Variants in AKAP6 observed in about 807,000 individuals in gnomAD.
The protein encoded by AKAP6 is A-kinase anchor protein 6.
A neutral mutation model predicts 188.5 loss-of-function variants in AKAP6; 58 were observed. The observed-to-expected ratio is 0.31, with a 90% CI of 0.25 to 0.38. AKAP6 has a LOEUF of 0.38. Among genes scored for constraint, AKAP6 ranks in the 10% least tolerant of loss-of-function variants. AKAP6 has a pLI of 1.00. For missense variants in AKAP6, 2,710 were observed against 2,740.0 expected (o/e 0.99, Z 0.24); for synonymous variants, 989 against 998.6 (o/e 0.99, Z 0.18).
chr14:32,410,121 C>G (rs1018727909), intron 1 of AKAP6, among the ~76,000 whole-genome samples: 3 of 148,834 alleles, frequency 2.0e-5, no homozygotes, highest in Non-Finnish European at 4.5e-5. Context: ...TGGGAAAAAT[C>G]GACATTCTGT....
At chr14:32,594,389 C>T (rs1885606267) in intron 5 of AKAP6, among the ~76,000 whole-genome samples, 1 of 152,076 alleles carries the variant, frequency 6.6e-6, no homozygotes, top group African/African-American at 2.4e-5. Context: ...GTGGCATGTT[C>T]TATGTATTTT....
chr14:32,347,263 T>G lies in AKAP6; in HGVS notation c.-35+17855T>G, dbSNP rs953721019. Among the ~76,000 whole-genome samples the G allele has an allele frequency of 7.9e-5, 12 of 152,308 alleles. No individual in the cohort carries two copies. The South Asian group carries it at 2.5e-3, about 32-fold the overall frequency. On this transcript the variant is annotated intron_variant, in intron 1 of 13. Transcript: ENST00000280979. ...TGAGGCATCAGAGAAGTCTTGCCCT[T>G]TTTTCTTACACATGTTTCTAAATTA...
At chr14:32,769,037 A>ATTTTTGTTTTTTTTTTTT (rs2032807212) in intron 11 of AKAP6, among the ~76,000 whole-genome samples, 2 of 56,924 alleles carry the variant, frequency 3.5e-5, no homozygotes, top group Non-Finnish European at 5.9e-5. Flanking sequence ...TGCTCTTTTG[A>ATTTTTGTTTTTTTTTTTT]TTTTTTTTTT....
intron 2 of AKAP6, among the ~76,000 whole-genome samples, chr14:32,516,695 A>G (rs996134086): frequency 1.2e-4 from 19 of 152,348 alleles, no homozygotes; most frequent in African/African-American, 4.6e-4. Flanking sequence ...AGAAGATATT[A>G]GGTAAAAACC....
At chr14:32,408,714 GAGA>G (rs34185985) in intron 1 of AKAP6, among the ~76,000 whole-genome samples, 93,941 of 151,084 alleles carry the variant, frequency 0.62, 31,407 homozygotes, top group Non-Finnish European at 0.75. Flanking sequence ...CTCCAAGTAG[GAGA>G]TATGTGTAGG....
At chr14:32,374,266 AGTGCTAC>A (rs1888094647) in intron 1 of AKAP6, among the ~76,000 whole-genome samples, 1 of 152,226 alleles carries the variant, frequency 6.6e-6, no homozygotes, top group South Asian at 2.1e-4. Context: ...CAACACGGTA[AGTGCTAC>A]AATGCAATTG....
At chr14:32,376,669 T>C (rs1370599739) in intron 1 of AKAP6, among the ~76,000 whole-genome samples, 2 of 152,208 alleles carry the variant, frequency 1.3e-5, no homozygotes, top group Non-Finnish European at 2.9e-5. Flanking sequence ...CAGGCTTTCA[T>C]CTGAGAATAA....
In AKAP6 at chr14:32,683,677, A is replaced by G. The variant is rs150459930; in HGVS notation, c.2879+5218A>G. 4.5e-3 allele frequency among the ~76,000 whole-genome samples: 693 copies of G among 152,324 alleles called. 17 individuals carry two copies. Among genetic ancestry groups the G allele is most frequent in the Admixed American group, 0.041 (624 of 15,288 alleles). ...GAAGAAGTGTCATGGAGGATGGCCC[A>G]GGGTCAGAAATGACAAGGGTGTTTC... On this transcript the variant is annotated intron_variant, in intron 8 of 13. Coordinates refer to ENST00000280979, the MANE Select transcript of AKAP6 (RefSeq NM_004274.5).
intron 4 of AKAP6, among the ~76,000 whole-genome samples, chr14:32,548,915 T>G (rs1028920216): frequency 1.3e-5 from 2 of 151,968 alleles, no homozygotes; most frequent in Admixed American, 6.6e-5. Context: ...CTGTTTTTTG[T>G]TTTTTTTACA....
At chr14:32,745,076 T>C (rs528339196) in intron 11 of AKAP6, among the ~76,000 whole-genome samples, 2 of 152,296 alleles carry the variant, frequency 1.3e-5, no homozygotes, top group Admixed American at 1.3e-4. Flanking sequence ...AGGTCACATA[T>C]CTCTGTTTCT....
At chr14:32,793,321 T>G (rs1022010633) in intron 12 of AKAP6, among the ~76,000 whole-genome samples, 1 of 151,822 alleles carries the variant, frequency 6.6e-6, no homozygotes, top group Non-Finnish European at 1.5e-5. Context: ...AATAAAGGGA[T>G]AGAGGAAAAT....
At chr14:32,451,180 T>A (rs1397858315) in intron 2 of AKAP6, among the ~76,000 whole-genome samples, 1 of 152,192 alleles carries the variant, frequency 6.6e-6, no homozygotes, top group African/African-American at 2.4e-5. Context: ...TTATACTGGC[T>A]GGTATACAAG....
chr14:32,476,411 C>T (rs1467856958), intron 2 of AKAP6, among the ~76,000 whole-genome samples: 1 of 152,156 alleles, frequency 6.6e-6, no homozygotes, highest in Non-Finnish European at 1.5e-5. Context: ...TCATCTCAGA[C>T]CCTACTTGGA....
intron 2 of AKAP6, among the ~76,000 whole-genome samples, chr14:32,499,227 G>A (rs954345155): frequency 1.1e-4 from 17 of 150,186 alleles, no homozygotes; most frequent in African/African-American, 4.2e-4. Flanking sequence ...GGTTACACAT[G>A]TGTTCACCTT....
At position 32,822,880 on chromosome 14, in the gene AKAP6, A is replaced by G. The variant is rs754926621; in HGVS notation, c.5067A>G (p.Thr1689=). ...ATGAAGACTCAGCGGCATCTCTAAC[A>G]GAACTTAGCAGCAGTGACGAGCTCT... ...SINEDSAASL[T]ELSSSDELSL... Residue 1689 remains threonine, a synonymous_variant, in exon 13 of 14, where the codon ACA becomes ACG. Transcript: ENST00000280979. The G allele has an allele frequency of 1.9e-6, 3 of 1,613,926 alleles. No homozygotes were observed. Among genetic ancestry groups the G allele is most frequent in the Non-Finnish European group, 2.5e-6 (3 of 1,179,918 alleles).
In AKAP6 at chr14:32,551,948, G is replaced by C. The variant is rs893284348; in HGVS notation, c.2346+4949G>C. ...CCCAAAGTGCTGGGATTATAGGCGTGAGCCACCACGCCCGGCCTACATTCT... is the reference window on the plus strand; with the variant it reads ...CCCAAAGTGCTGGGATTATAGGCGTCAGCCACCACGCCCGGCCTACATTCT... On this transcript the variant is annotated intron_variant, in intron 4 of 13. Transcript: ENST00000280979. 3.9e-5 allele frequency among the ~76,000 whole-genome samples: 6 copies of C among 152,166 alleles called. No individual in the cohort carries two copies. In the East Asian group the frequency reaches 1.2e-3, roughly 29 times the overall value.
chr14:32,686,834 G>A (rs1274480142), intron 8 of AKAP6, among the ~76,000 whole-genome samples: 1 of 152,138 alleles, frequency 6.6e-6, no homozygotes, highest in Non-Finnish European at 1.5e-5. Flanking sequence ...TGAAGTTCCA[G>A]AAGATACCCC....
At position 32,568,388 on chromosome 14, in the gene AKAP6, C is replaced by T. The variant is rs890632615; in HGVS notation, c.2347-8732C>T. On this transcript the variant is annotated intron_variant, in intron 4 of 13. Coordinates refer to ENST00000280979, the MANE Select transcript of AKAP6 (RefSeq NM_004274.5). The surrounding 1 kb of genome is among the most constrained non-coding windows in gnomAD (Gnocchi z 6.2). ...TGTACAATGGGGAAATTTGACTATT[C>T]AATAACTTCACAAGTTATTAGTAGG... Among the ~76,000 whole-genome samples the T allele has an allele frequency of 6.6e-6, 1 of 152,082 alleles. No individual in the cohort carries two copies. Among genetic ancestry groups the T allele is most frequent in the African/African-American group, 2.4e-5 (1 of 41,406 alleles).
chr14:32,491,339 A>G (rs1358900958), intron 2 of AKAP6, among the ~76,000 whole-genome samples: 1 of 152,168 alleles, frequency 6.6e-6, no homozygotes, highest in South Asian at 2.1e-4. Flanking sequence ...GCTTAGGTCT[A>G]ACTGTTATAA....
Sources: allele counts gnomAD v4.1 joint callset (sites outside exome capture counted in the v4.1 genomes callset), GRCh38; gene constraint gnomAD v4.1.1; non-coding constraint Gnocchi (gnomAD v3.1); transcripts MANE v1.5; gene names NCBI Gene and HGNC (gene_info 2026-07-23, HGNC 2026-07-21).